RGS7BP: variants seen among roughly 807,000 people sequenced by gnomAD.
The protein encoded by RGS7BP is regulator of G protein signaling 7-binding protein.
Under a neutral mutation model 31.3 loss-of-function variants are expected in RGS7BP, and 9 were observed. The ratio of observed to expected loss-of-function variants is 0.29; its 90% CI spans 0.17 to 0.50. RGS7BP has a LOEUF of 0.50. Among genes scored for constraint, RGS7BP ranks in the 20% least tolerant of loss-of-function variants. The pLI, the probability that RGS7BP is intolerant of heterozygous loss-of-function variation, is 0.98. For synonymous variants in RGS7BP, 115 were observed against 120.1 expected (o/e 0.96, Z 0.28); for missense variants, 274 against 322.0 (o/e 0.85, Z 1.14).
chr5:64,530,310 TAGGAAATA>T (rs1360099614), intron 2 of RGS7BP, among the ~76,000 whole-genome samples: 1 of 152,142 alleles, frequency 6.6e-6, no homozygotes, highest in Non-Finnish European at 1.5e-5. Context: ...AAAAAGAAAG[TAGGAAATA>T]TGTAATGAAT....
At chr5:64,559,217 C>T (rs1180189796) in intron 2 of RGS7BP, among the ~76,000 whole-genome samples, 3 of 152,146 alleles carry the variant, frequency 2.0e-5, no homozygotes, top group African/African-American at 4.8e-5. Flanking sequence ...ATGTCTCCCC[C>T]AGACACCCAG....
chr5:64,600,368 G>C (rs977301544), intron 5 of RGS7BP, among the ~76,000 whole-genome samples: 1 of 151,966 alleles, frequency 6.6e-6, no homozygotes, highest in African/African-American at 2.4e-5. Flanking sequence ...AGCAGTTTTT[G>C]ACTGTGTGTT....
rs879858793 is a variant in RGS7BP, at chr5:64,556,812, T to TA, written c.333-18950dup. Among the ~76,000 whole-genome samples the TA allele has an allele frequency of 8.0e-3, 1,166 of 145,036 alleles. 12 individuals carry two copies. Among genetic ancestry groups the TA allele is most frequent in the African/African-American group, 0.026 (1,047 of 39,778 alleles). On this transcript the variant is annotated intron_variant, in intron 2 of 5. Coordinates refer to ENST00000334025, the MANE Select transcript of RGS7BP (RefSeq NM_001029875.3). ...CTGGTAGAACACTGTGTGCTTGACC[T>TA]AAAAAAAAAAAATCTCTGTGTGTGT...
intron 3 of RGS7BP, among the ~76,000 whole-genome samples, chr5:64,587,118 T>C (rs902274052): frequency 1.5e-4 from 23 of 152,240 alleles, no homozygotes; most frequent in African/African-American, 5.3e-4. Flanking sequence ...AGCGATCGTA[T>C]AGGAGGACTT....
intron 2 of RGS7BP, chr5:64,539,822 A>G (rs1014107472): frequency 2.0e-5 from 3 of 152,116 alleles, no homozygotes; most frequent in African/African-American, 7.2e-5. Context: ...TTATTGTTGT[A>G]TGTTTTACAT....
At chr5:64,574,101 T>G (rs1367721607) in intron 2 of RGS7BP, among the ~76,000 whole-genome samples, 1 of 152,164 alleles carries the variant, frequency 6.6e-6, no homozygotes, top group African/African-American at 2.4e-5. Flanking sequence ...GACATTATCT[T>G]CAGATTTTGC....
chr5:64,536,434 C>T (rs559696212), intron 2 of RGS7BP, among the ~76,000 whole-genome samples: 2 of 152,224 alleles, frequency 1.3e-5, no homozygotes, highest in African/African-American at 4.8e-5. Context: ...TTTATTGTCG[C>T]ACGCGTTCAC....
At chr5:64,595,597 G>A (rs756786666) in intron 4 of RGS7BP, among the ~76,000 whole-genome samples, 3 of 151,958 alleles carry the variant, frequency 2.0e-5, no homozygotes, top group Non-Finnish European at 4.4e-5. Flanking sequence ...GACATTCTGC[G>A]AGGCAGAAAG....
At chr5:64,563,987 C>T (rs1742112125) in intron 2 of RGS7BP, among the ~76,000 whole-genome samples, 1 of 152,142 alleles carries the variant, frequency 6.6e-6, no homozygotes, top group Non-Finnish European at 1.5e-5. Flanking sequence ...CAATGCACTT[C>T]ACCTGAAGGG....
intron 2 of RGS7BP, among the ~76,000 whole-genome samples, chr5:64,559,448 T>G (rs1366880740): frequency 6.6e-6 from 1 of 152,196 alleles, no homozygotes; most frequent in East Asian, 1.9e-4. Context: ...AATATCAACC[T>G]TACCACTGGC....
intron 2 of RGS7BP, among the ~76,000 whole-genome samples, chr5:64,508,523 TAGG>T (rs1748754463): frequency 6.6e-6 from 1 of 152,244 alleles, no homozygotes; most frequent in South Asian, 2.1e-4. Context: ...TAGCCTGTAT[TAGG>T]AGATAATTCA....
At chr5:64,555,336 A>G (rs1465954283) in intron 2 of RGS7BP, among the ~76,000 whole-genome samples, 3 of 152,190 alleles carry the variant, frequency 2.0e-5, no homozygotes, top group Non-Finnish European at 2.9e-5. Flanking sequence ...AGCTCATCAC[A>G]TTTTAGACAA....
At chr5:64,532,822 C>T (rs150039803) in intron 2 of RGS7BP, among the ~76,000 whole-genome samples, 4 of 152,062 alleles carry the variant, frequency 2.6e-5, no homozygotes, top group Non-Finnish European at 4.4e-5. Context: ...ATTTGGGTAG[C>T]GGAGGGCCTG....
intron 3 of RGS7BP, among the ~76,000 whole-genome samples, chr5:64,594,421 TA>T (rs1743006565): frequency 6.6e-6 from 1 of 152,296 alleles, no homozygotes; most frequent in African/African-American, 2.4e-5. Flanking sequence ...GAATGGGTTA[TA>T]AAACACCAAT....
chr5:64,591,277 G>A (rs1246060962), intron 3 of RGS7BP, among the ~76,000 whole-genome samples: 1 of 151,742 alleles, frequency 6.6e-6, no homozygotes, highest in Non-Finnish European at 1.5e-5. Context: ...TTAAACATAG[G>A]AAAATAAATG....
chr5:64,577,876 G>A (rs1742479181), intron 3 of RGS7BP, among the ~76,000 whole-genome samples: 1 of 152,154 alleles, frequency 6.6e-6, no homozygotes, highest in Admixed American at 6.5e-5. Flanking sequence ...TGCACCTGCA[G>A]GATTTCATGC....
At chr5:64,511,598 C>G (rs942274872) in intron 2 of RGS7BP, among the ~76,000 whole-genome samples, 1 of 152,146 alleles carries the variant, frequency 6.6e-6, no homozygotes, top group African/African-American at 2.4e-5. Flanking sequence ...AGGAGTAGGT[C>G]AGGTCCTGCC....
chr5:64,513,229 T>C (rs951260186), intron 2 of RGS7BP, among the ~76,000 whole-genome samples: 4 of 152,210 alleles, frequency 2.6e-5, no homozygotes, highest in African/African-American at 7.2e-5. Context: ...GTAACGAACA[T>C]CCTAGAGGTC....
Position 64,506,504 on chromosome 5 carries a change from T to G in RGS7BP, c.-121T>G, listed in dbSNP as rs1417148843. 3 of 802,856 alleles carry G rather than the reference T, an allele frequency of 3.7e-6. No individual in the cohort carries two copies. The highest frequency in any genetic ancestry group is 1.8e-5 in the African/African-American group (1 of 56,966). 49.7% of individuals were successfully genotyped at this position (802,856 alleles called of 1,614,324 possible). A position where few individuals can be genotyped will look rare whatever the true frequency, so the allele number is the denominator to read the frequency against. On this transcript the variant is annotated 5_prime_UTR_variant, in exon 1 of 6. Transcript: ENST00000334025. The surrounding 1 kb of genome is among the most constrained non-coding windows in gnomAD (Gnocchi z 4.6). The stretch of plus-strand genomic sequence containing the variant: ...CGACCCGCGCAGCCAGCCCCAGCAC[T>G]GTGAGCTGCGCGCCTCAGGTCCGGG...
Sources: allele counts gnomAD v4.1 joint callset (sites outside exome capture counted in the v4.1 genomes callset), GRCh38; gene constraint gnomAD v4.1.1; non-coding constraint Gnocchi (gnomAD v3.1); transcripts MANE v1.5; gene names NCBI Gene and HGNC (gene_info 2026-07-23, HGNC 2026-07-21).